ARAP2: variants seen among roughly 807,000 people sequenced by gnomAD.
The protein encoded by ARAP2 is arf-GAP with Rho-GAP domain, ANK repeat and PH domain-containing protein 2.
Under a neutral mutation model 194.5 loss-of-function variants are expected in ARAP2, and 148 were observed. That is an observed-to-expected ratio of 0.76 (90% CI 0.67 to 0.87). ARAP2 has a LOEUF of 0.87. ARAP2 is among the 40% of genes least tolerant of loss of function. The pLI is 0.00. For synonymous variants in ARAP2, 695 were observed against 683.5 expected, an observed-to-expected ratio of 1.02 and a Z score of -0.26; for missense variants, 2,128 against 1,989.7, an observed-to-expected ratio of 1.07 and a Z score of -1.32.
At chr4:36,072,996 T>C (rs1402611431) in intron 32 of ARAP2, among the ~76,000 whole-genome samples, 3 of 152,172 alleles carry the variant, frequency 2.0e-5, no homozygotes, top group African/African-American at 4.8e-5. Flanking sequence ...AAGGAAGATA[T>C]AAGAACACCT....
intron 2 of ARAP2, among the ~76,000 whole-genome samples, chr4:36,055,977 G>C (rs918282043): frequency 6.6e-6 from 1 of 152,126 alleles, no homozygotes; most frequent in African/African-American, 2.4e-5. Flanking sequence ...AATTCCTTGG[G>C]AGCAAAAGCT....
chr4:36,130,674 T>C (rs1435315983), intron 20 of ARAP2, among the ~76,000 whole-genome samples: 1 of 151,940 alleles, frequency 6.6e-6, no homozygotes, highest in Non-Finnish European at 1.5e-5. Context: ...TATTTGTCTC[T>C]TATTCATAAA....
intron 2 of ARAP2, among the ~76,000 whole-genome samples, chr4:36,220,900 G>A (rs1749016922): frequency 6.6e-6 from 1 of 151,974 alleles, no homozygotes; most frequent in Non-Finnish European, 1.5e-5. Flanking sequence ...GAAGAAAAAA[G>A]TATTGCTATA....
chr4:36,124,655 G>T lies in ARAP2; in HGVS notation c.3746+207C>A, dbSNP rs189142928. ...AGTGAGTTTTTAAATTCTTGCTTAT[G>T]CATCAGATGCATTTGAGGACACTGT... is the stretch of plus-strand genomic sequence containing the variant. On this transcript the variant is annotated intron_variant, in intron 22 of 32. Transcript: ENST00000303965. Among the ~76,000 whole-genome samples the T allele has an allele frequency of 2.0e-5, 3 of 151,934 alleles. No homozygotes were observed. The East Asian group carries it at 5.8e-4, about 30-fold the overall frequency.
intron 27 of ARAP2, among the ~76,000 whole-genome samples, chr4:36,106,250 AT>A (rs2109459186): frequency 6.6e-6 from 1 of 152,106 alleles, no homozygotes; most frequent in South Asian, 2.1e-4. Context: ...GAGAAATCCT[AT>A]TGCAAACATT....
At chr4:36,242,670 A>G (rs1190828816) in intron 1 of ARAP2, among the ~76,000 whole-genome samples, 4 of 152,204 alleles carry the variant, frequency 2.6e-5, no homozygotes, top group African/African-American at 9.6e-5. Flanking sequence ...CACTGCAAGG[A>G]GCTTGCAGTG....
At chr4:36,108,728 T>C (rs970293193) in intron 26 of ARAP2, among the ~76,000 whole-genome samples, 2 of 152,024 alleles carry the variant, frequency 1.3e-5, no homozygotes. Flanking sequence ...AGAAAAGTTT[T>C]TGATGATCAA....
intron 19 of ARAP2, among the ~76,000 whole-genome samples, chr4:36,143,712 T>A (rs1482225201): frequency 2.0e-5 from 3 of 151,828 alleles, no homozygotes; most frequent in African/African-American, 7.3e-5. Context: ...GGATGGTACA[T>A]TAGCTATACG....
intron 12 of ARAP2, 51 bp from the exon 13 acceptor site, chr4:36,160,692 T>C: frequency 5.3e-6 from 7 of 1,319,410 alleles, no homozygotes; most frequent in Non-Finnish European, 6.9e-6. Flanking sequence ...TAAAATATAT[T>C]TGAATCTGCA....
At chr4:36,061,187 CCCT>C (rs1724375140), downstream of ARAP2, among the ~76,000 whole-genome samples, 1 of 151,986 alleles carries the variant, frequency 6.6e-6, no homozygotes, top group African/African-American at 2.4e-5. Flanking sequence ...GTTATCCATC[CCCT>C]CAAGTACTTT....
chr4:36,143,952 A>G (rs1010187883), intron 19 of ARAP2, among the ~76,000 whole-genome samples: 9 of 151,846 alleles, frequency 5.9e-5, no homozygotes, highest in African/African-American at 1.2e-4. Flanking sequence ...AATGAATTTC[A>G]TCTCCTGATT....
chr4:36,166,883 C>A (rs140595829), intron 10 of ARAP2, 49 bp downstream of exon 10: 3 of 1,190,390 alleles, frequency 2.5e-6, no homozygotes, highest in Middle Eastern at 2.0e-4. Flanking sequence ...GTGGATCACC[C>A]AAGCTTTCCT....
At position 36,053,300 on chromosome 4, in the gene ARAP2, G is replaced by A. The variant is rs544049652; in HGVS notation, n.322-1247C>T. Among the ~76,000 whole-genome samples the A allele has an allele frequency of 7.2e-5, 11 of 151,792 alleles. No individual in the cohort carries two copies. In the South Asian group the frequency reaches 2.1e-3, roughly 29 times the overall value. On this transcript the variant is annotated intron_variant and non_coding_transcript_variant, in intron 2 of 12. Coordinates refer to the ARAP2 transcript ENST00000503225. ...ATTACAGGCATGAGCCACCGCGCCCGGCCCAGCATGCAGTTTTTTATAAAA... is the reference window on the plus strand; with the variant it reads ...ATTACAGGCATGAGCCACCGCGCCCAGCCCAGCATGCAGTTTTTTATAAAA...
At chr4:36,221,214 T>C (rs1402172371) in intron 2 of ARAP2, among the ~76,000 whole-genome samples, 1 of 152,070 alleles carries the variant, frequency 6.6e-6, no homozygotes, top group African/African-American at 2.4e-5. Context: ...GGCTATACCA[T>C]CTAGATTTGT....
intron 21 of ARAP2, among the ~76,000 whole-genome samples, chr4:36,125,492 G>A (rs1723669177): frequency 6.6e-6 from 1 of 151,952 alleles, no homozygotes; most frequent in Non-Finnish European, 1.5e-5. Flanking sequence ...TTCGATCCAG[G>A]TAAAGGGTAC....
chr4:36,216,020 C>A (rs1309190560), intron 2 of ARAP2, among the ~76,000 whole-genome samples: 1 of 147,764 alleles, frequency 6.8e-6, no homozygotes. Context: ...CCAAGGTGGG[C>A]AGATTTCTTG....
At chr4:36,124,820 G>A (rs778910029) in intron 22 of ARAP2, 42 bp downstream of exon 22, 3 of 1,195,176 alleles carry the variant, frequency 2.5e-6, no homozygotes, top group Non-Finnish European at 3.7e-6. Flanking sequence ...CTTATTGAGT[G>A]CTGTGTTTGA....
chr4:36,068,061 A>G lies in ARAP2; in HGVS notation c.4961T>C (p.Leu1654Pro). The change falls in exon 33 of 33, where the codon CTA becomes CCA. Residue 1654 changes from leucine (L) to proline (P), a missense_variant. Coordinates refer to ENST00000303965, the MANE Select transcript of ARAP2 (RefSeq NM_015230.4). Reference protein sequence around the residue: ...PLGQPKGHKGLKTLRKTEDRN... With the variant: ...PLGQPKGHKGPKTLRKTEDRN... ...GTCCTCAGTCTTCCTCAATGTCTTT[A>G]GGCCTTTATGGCCTTTTGGTTGCCC... 6.2e-7 allele frequency: 1 copy of G among 1,614,112 alleles called. No homozygotes were observed. Among genetic ancestry groups the G allele is most frequent in the Non-Finnish European group, 8.5e-7 (1 of 1,179,988 alleles).
At chr4:36,129,216 A>C (rs1288171217) in intron 20 of ARAP2, among the ~76,000 whole-genome samples, 1 of 151,876 alleles carries the variant, frequency 6.6e-6, no homozygotes, top group Non-Finnish European at 1.5e-5. Context: ...ATGGTTACTG[A>C]TTCATGAAGT....
Sources: allele counts gnomAD v4.1 joint callset (sites outside exome capture counted in the v4.1 genomes callset), GRCh38; gene constraint gnomAD v4.1.1; transcripts MANE v1.5; gene names NCBI Gene and HGNC (gene_info 2026-07-23, HGNC 2026-07-21).